The following ADARB2 variants were observed in gnomAD, a reference collection of about 807,000 sequenced individuals.
ADARB2 encodes inactive double-stranded RNA-specific editase B2.
A neutral mutation model predicts 62.2 loss-of-function variants in ADARB2; 25 were observed. The observed-to-expected ratio is 0.40, with a 90% CI of 0.29 to 0.56. The LOEUF is 0.56. ADARB2 is among the 20% of genes least tolerant of loss of function. The pLI is 0.43. For missense variants in ADARB2, 1,071 were observed against 1,077.4 expected, an observed-to-expected ratio of 0.99 and a Z score of 0.08; for synonymous variants, 572 against 500.8, an observed-to-expected ratio of 1.14 and a Z score of -1.90.
At chr10:1,677,932 G>A (rs4545464) in intron 1 of ADARB2, among the ~76,000 whole-genome samples, 114,286 of 152,174 alleles carry the variant, frequency 0.75, 43,068 homozygotes, top group East Asian at 0.86. Context: ...AGTAAATAAG[G>A]CTTTATGTCT....
chr10:1,671,226 C>A (rs1331117805), intron 1 of ADARB2, among the ~76,000 whole-genome samples: 1 of 152,168 alleles, frequency 6.6e-6, no homozygotes, highest in Non-Finnish European at 1.5e-5. Context: ...CATGATCTCG[C>A]CCCCACCCGC....
intron 1 of ADARB2, among the ~76,000 whole-genome samples, chr10:1,527,618 A>G (rs1363167257): frequency 6.6e-6 from 1 of 152,250 alleles, no homozygotes; most frequent in East Asian, 1.9e-4. Context: ...CTTGATATAC[A>G]TAACAGGATG....
intron 3 of ADARB2, among the ~76,000 whole-genome samples, chr10:1,282,165 T>TACCCCAACACAA (rs1831376629): frequency 6.6e-6 from 1 of 152,116 alleles, no homozygotes; most frequent in Non-Finnish European, 1.5e-5. Flanking sequence ...TGTGTTGGGG[T>TACCCCAACACAA]CCCATTTACT....
chr10:1,482,798 G>A (rs112142588), intron 1 of ADARB2, among the ~76,000 whole-genome samples: 11 of 152,062 alleles, frequency 7.2e-5, no homozygotes, highest in African/African-American at 1.4e-4. Context: ...GTGGACACTC[G>A]TGCAGGACCC....
At chr10:1,675,995 C>T (rs1024634046) in intron 1 of ADARB2, 1 of 984,510 alleles carries the variant, frequency 1.0e-6, no homozygotes, top group Non-Finnish European at 1.2e-6. Flanking sequence ...ATCCCACCCA[C>T]CCCCGACTTT....
At chr10:1,526,936 T>C (rs750199090) in intron 1 of ADARB2, 2 of 385,318 alleles carry the variant, frequency 5.2e-6, no homozygotes, top group South Asian at 3.9e-5. Flanking sequence ...TGCATCTTAA[T>C]TTGCATTTGT....
intron 3 of ADARB2, among the ~76,000 whole-genome samples, chr10:1,313,602 G>A (rs1044963445): frequency 6.9e-6 from 1 of 145,306 alleles, no homozygotes; most frequent in Non-Finnish European, 1.6e-5. Flanking sequence ...GGGATAACAG[G>A]GGAAACACAA....
At chr10:1,185,230 C>A (rs1434703709) in intron 8 of ADARB2, among the ~76,000 whole-genome samples, 191 bp from the exon 9 acceptor site, 1 of 152,256 alleles carries the variant, frequency 6.6e-6, no homozygotes, top group Non-Finnish European at 1.5e-5. Context: ...GTGGTGGCCG[C>A]CTCGGGTCCA....
At chr10:1,665,386 G>A (rs1047685686) in intron 1 of ADARB2, among the ~76,000 whole-genome samples, 14 of 152,246 alleles carry the variant, frequency 9.2e-5, no homozygotes, top group Non-Finnish European at 7.3e-5. Flanking sequence ...GCACCCCGAC[G>A]TGGGGAACTC....
chr10:1,207,618 C>T (rs979455832), intron 7 of ADARB2, among the ~76,000 whole-genome samples: 28 of 152,080 alleles, frequency 1.8e-4, no homozygotes, highest in Non-Finnish European at 3.7e-4. Flanking sequence ...TGGGGGGAGA[C>T]GGCACTCTGC....
At chr10:1,509,112 T>C (rs1230954628) in intron 1 of ADARB2, among the ~76,000 whole-genome samples, 1 of 152,176 alleles carries the variant, frequency 6.6e-6, no homozygotes, top group African/African-American at 2.4e-5. Flanking sequence ...TTTCCTGCTT[T>C]CACTGCGTGC....
chr10:1,558,287 C>T (rs552230581), intron 1 of ADARB2, among the ~76,000 whole-genome samples: 6 of 144,256 alleles, frequency 4.2e-5, no homozygotes, highest in African/African-American at 1.3e-4. Context: ...CACCTCTGTC[C>T]CCCCTCCGTG....
chr10:1,431,451 C>T (rs1008540752), intron 1 of ADARB2, among the ~76,000 whole-genome samples: 4 of 152,126 alleles, frequency 2.6e-5, no homozygotes, highest in African/African-American at 9.6e-5. Flanking sequence ...GAGGGAAATT[C>T]ATAGCACATT....
chr10:1,534,442 G>C (rs764867993), intron 1 of ADARB2: 2 of 152,290 alleles, frequency 1.3e-5, no homozygotes, highest in African/African-American at 4.8e-5. Context: ...CCGGCCTCTT[G>C]CACTGAAGTC....
At chr10:1,681,361 T>C (rs1460353168) in intron 1 of ADARB2, among the ~76,000 whole-genome samples, 2 of 152,174 alleles carry the variant, frequency 1.3e-5, no homozygotes, top group East Asian at 3.8e-4. Flanking sequence ...ATGTCCTTTT[T>C]CCCAACAACT....
rs528978649 is a variant in ADARB2, at chr10:1,633,413, G to C, written c.100+103638C>G. 3.9e-5 allele frequency among the ~76,000 whole-genome samples: 6 copies of C among 152,240 alleles called. No individual in the cohort carries two copies. The South Asian group carries it at 1.2e-3, about 32-fold the overall frequency. On this transcript the variant is annotated intron_variant, in intron 1 of 9. Coordinates refer to ENST00000381312, the MANE Select transcript of ADARB2 (RefSeq NM_018702.4). Reference sequence around the variant, plus strand: ...GCTCACCAGAATATTTCAGATCTTGGATTTTCAGAGTGTGGACGCTGAACT... The same window carrying C: ...GCTCACCAGAATATTTCAGATCTTGCATTTTCAGAGTGTGGACGCTGAACT...
intron 5 of ADARB2, among the ~76,000 whole-genome samples, chr10:1,235,284 C>A (rs557585984): frequency 5.4e-4 from 72 of 133,588 alleles, no homozygotes; most frequent in Non-Finnish European, 9.9e-4. Context: ...CGTGGCGAAA[C>A]GGCTTTCCTT....
rs185694556 is a variant in ADARB2, at chr10:1,353,228, C to G, written c.1077+9800G>C. 1.9e-3 allele frequency among the ~76,000 whole-genome samples: 292 copies of G among 152,260 alleles called. 2 individuals are homozygous for G. Among genetic ancestry groups the G allele is most frequent in the African/African-American group, 6.5e-3 (272 of 41,548 alleles). ...GCAGAAGACCCTTCAATACTTTCAC[C>G]CTGATGAAGTTCTATTCTTTCCCAT... On this transcript the variant is annotated intron_variant, in intron 3 of 9. Transcript: ENST00000381312.
intron 4 of ADARB2, among the ~76,000 whole-genome samples, chr10:1,269,809 A>G (rs2131798123): frequency 6.6e-6 from 1 of 152,238 alleles, no homozygotes; most frequent in South Asian, 2.1e-4. Context: ...GGATGAAGGA[A>G]TGGTCACCTC....
Sources: allele counts gnomAD v4.1 joint callset (sites outside exome capture counted in the v4.1 genomes callset), GRCh38; gene constraint gnomAD v4.1.1; transcripts MANE v1.5; gene names NCBI Gene and HGNC (gene_info 2026-07-23, HGNC 2026-07-21).